The following NAALADL2 variants were observed in gnomAD, a reference collection of about 807,000 sequenced individuals.
The protein encoded by NAALADL2 is N-acetylated alpha-linked acidic dipeptidase like 2.
In NAALADL2, 76 loss-of-function variants were observed where a neutral mutation model predicts 87.2. That is an observed-to-expected ratio of 0.87 (90% CI 0.72 to 1.05). The LOEUF (loss-of-function observed/expected upper bound fraction) is 1.05. Among genes scored for constraint, NAALADL2 ranks in the 50% least tolerant of loss-of-function variants. The pLI, the probability that NAALADL2 is intolerant of heterozygous loss-of-function variation, is 0.00. For missense variants in NAALADL2, 1,089 were observed against 945.8 expected (o/e 1.15, Z -1.99); for synonymous variants, 354 against 331.0 (o/e 1.07, Z -0.75).
intron 1 of NAALADL2, among the ~76,000 whole-genome samples, chr3:174,976,341 T>A (rs909093638): frequency 2.0e-5 from 3 of 152,330 alleles, no homozygotes; most frequent in Admixed American, 2.0e-4. Flanking sequence ...TTATATGCCA[T>A]TTTTAAGCTA....
chr3:174,885,660 A>C (rs1730000054), intron 1 of NAALADL2, among the ~76,000 whole-genome samples: 2 of 152,002 alleles, frequency 1.3e-5, no homozygotes, highest in Admixed American at 1.3e-4. Context: ...GAAACCCCAA[A>C]ACTTACAAAA....
At chr3:174,672,079 C>T (rs1726605487) in intron 2 of NAALADL2, among the ~76,000 whole-genome samples, 1 of 151,932 alleles carries the variant, frequency 6.6e-6, no homozygotes, top group Non-Finnish European at 1.5e-5. Flanking sequence ...TTCTAAATAT[C>T]CTTAACTGAT....
rs539956635 is a variant in NAALADL2 at position 175,793,208 on chromosome 3, T to G, written c.2190-9797T>G. Among the ~76,000 whole-genome samples, 3 of 151,712 alleles carry G rather than the reference T, an allele frequency of 2.0e-5. No individual in the cohort carries two copies. The East Asian group carries it at 5.8e-4, about 29-fold the overall frequency. ...AATAAAGCACACAGTGAGCACTGCA[T>G]AGAATATTTTTAGACTTTGTACTAC... On this transcript the variant is annotated intron_variant, in intron 13 of 13. Transcript: ENST00000454872.
intron 4 of NAALADL2, among the ~76,000 whole-genome samples, chr3:175,269,864 C>T (rs1487961774): frequency 6.6e-6 from 1 of 152,084 alleles, no homozygotes; most frequent in Non-Finnish European, 1.5e-5. Context: ...AATCATGGTT[C>T]TTTACTACCA....
chr3:174,637,551 A>G (rs1032690229), intron 2 of NAALADL2, among the ~76,000 whole-genome samples: 3 of 152,136 alleles, frequency 2.0e-5, no homozygotes, highest in Non-Finnish European at 4.4e-5. Context: ...CTAAATCATC[A>G]GAATGATGTA....
intron 10 of NAALADL2, among the ~76,000 whole-genome samples, chr3:175,594,130 A>G (rs1302980170): frequency 6.6e-6 from 1 of 151,966 alleles, no homozygotes; most frequent in Non-Finnish European, 1.5e-5. Context: ...TAGGTTTTCA[A>G]CCCACGCACG....
intron 9 of NAALADL2, among the ~76,000 whole-genome samples, chr3:175,572,948 C>G (rs1718309902): frequency 1.3e-5 from 2 of 151,012 alleles, no homozygotes; most frequent in South Asian, 4.2e-4. Flanking sequence ...GTCATTTGTG[C>G]AATGTTAGAA....
chr3:174,510,003 T>C (rs940857744), intron 1 of NAALADL2, among the ~76,000 whole-genome samples: 1 of 150,546 alleles, frequency 6.6e-6, no homozygotes, highest in Non-Finnish European at 1.5e-5. Context: ...GAGATGATCA[T>C]TTTTTTTTGC....
chr3:175,749,033 G>A (rs1178651422), intron 12 of NAALADL2, among the ~76,000 whole-genome samples: 1 of 150,952 alleles, frequency 6.6e-6, no homozygotes, highest in Non-Finnish European at 1.5e-5. Context: ...CTTGAGCTCA[G>A]GAGGTCATCC....
chr3:174,836,048 T>C (rs936523214), intron 3 of NAALADL2, among the ~76,000 whole-genome samples: 1 of 152,222 alleles, frequency 6.6e-6, no homozygotes, highest in South Asian at 2.1e-4. Context: ...TGTACACTCA[T>C]GTTCATAGGA....
chr3:174,918,019 C>CT (rs1322020959), intron 1 of NAALADL2, among the ~76,000 whole-genome samples: 3 of 152,024 alleles, frequency 2.0e-5, no homozygotes, highest in African/African-American at 7.2e-5. Flanking sequence ...ATAAAATGTT[C>CT]TTTTTAAAAA....
chr3:175,386,882 A>G (rs777178064), intron 5 of NAALADL2, among the ~76,000 whole-genome samples: 11 of 152,222 alleles, frequency 7.2e-5, no homozygotes, highest in Non-Finnish European at 1.3e-4. Flanking sequence ...TTGCTTAGTA[A>G]TAGTCCCAAA....
chr3:175,210,127 A>C (rs143911676), intron 2 of NAALADL2, among the ~76,000 whole-genome samples: 1,716 of 151,966 alleles, frequency 0.011, 31 homozygotes, highest in African/African-American at 0.038. Flanking sequence ...GAAAAAGCCA[A>C]ACAAGCAAAC....
intron 9 of NAALADL2, among the ~76,000 whole-genome samples, chr3:175,478,217 A>G (rs1047034310): frequency 6.6e-6 from 1 of 151,906 alleles, no homozygotes; most frequent in Non-Finnish European, 1.5e-5. Flanking sequence ...TCCTTAATTT[A>G]TCTTCCTTTC....
chr3:175,445,020 C>T (rs1354519970), intron 5 of NAALADL2, among the ~76,000 whole-genome samples: 1 of 152,132 alleles, frequency 6.6e-6, no homozygotes, highest in African/African-American at 2.4e-5. Context: ...AGCTCTGCGC[C>T]CTCTGAAGTC....
intron 1 of NAALADL2, among the ~76,000 whole-genome samples, chr3:174,509,645 C>T (rs1316845362): frequency 8.1e-6 from 1 of 123,140 alleles, no homozygotes; most frequent in Admixed American, 1.1e-4. Context: ...CTAGGATGGT[C>T]TTGATCTCCT....
intron 2 of NAALADL2, among the ~76,000 whole-genome samples, chr3:174,640,861 G>A (rs185331605): frequency 3.2e-4 from 49 of 152,288 alleles, no homozygotes; most frequent in African/African-American, 1.2e-3. Context: ...TGAGAGCATG[G>A]ACTCCGGTTT....
intron 1 of NAALADL2, among the ~76,000 whole-genome samples, chr3:175,063,871 G>A (rs545900505): frequency 3.3e-5 from 5 of 152,138 alleles, no homozygotes; most frequent in Non-Finnish European, 7.4e-5. Context: ...AACTACATCC[G>A]TATTTGTCAA....
intron 9 of NAALADL2, among the ~76,000 whole-genome samples, chr3:175,570,645 C>G (rs1329619075): frequency 1.3e-5 from 2 of 152,046 alleles, no homozygotes; most frequent in African/African-American, 2.4e-5. Context: ...CTTTGGGAAG[C>G]CGAGGCGGGC....
Sources: gnomAD v4.1 joint callset for allele counts (sites outside exome capture counted in the v4.1 genomes callset) on GRCh38, gnomAD v4.1.1 for gene constraint, MANE v1.5 for transcripts, NCBI Gene and HGNC (gene_info 2026-07-23, HGNC 2026-07-21) for gene names.